Variants in MATN2 observed in about 807,000 individuals in gnomAD.
MATN2 encodes the protein matrilin-2.
In MATN2, 69 loss-of-function variants were observed where a neutral mutation model predicts 103.2. That is an observed-to-expected ratio of 0.67 (90% CI 0.55 to 0.82). The LOEUF (loss-of-function observed/expected upper bound fraction) is 0.82, where lower values mean the gene tolerates loss of function less well. Ranked by LOEUF, MATN2 falls within the 40% of genes least tolerant of loss-of-function variation. MATN2 has a pLI of 0.00. For synonymous variants in MATN2, 429 were observed against 450.2 expected, an observed-to-expected ratio of 0.95 and a Z score of 0.60; for missense variants, 1,023 against 1,211.5, an observed-to-expected ratio of 0.84 and a Z score of 2.31.
chr8:97,892,749 A>G (rs1298276610), intron 2 of MATN2, among the ~76,000 whole-genome samples: 2 of 152,226 alleles, frequency 1.3e-5, no homozygotes, highest in Non-Finnish European at 2.9e-5. Context: ...GAATGAGAGT[A>G]TGAAAGGCAA....
chr8:97,973,954 T>C (rs1438582148), intron 5 of MATN2, among the ~76,000 whole-genome samples: 1 of 152,234 alleles, frequency 6.6e-6, no homozygotes, highest in Non-Finnish European at 1.5e-5. Context: ...TAAAGCAGTC[T>C]AACAGCAGAA....
intron 2 of MATN2, among the ~76,000 whole-genome samples, chr8:97,922,583 C>G (rs562698668): frequency 6.6e-6 from 1 of 152,322 alleles, no homozygotes; most frequent in Admixed American, 6.5e-5. Flanking sequence ...CCAGTTCTGA[C>G]AAATTGTTTA....
chr8:98,006,973 G>C, intron 8 of MATN2, 132 bp from the exon 9 acceptor site: 1 of 928,544 alleles, frequency 1.1e-6, no homozygotes, highest in Non-Finnish European at 1.6e-6. Flanking sequence ...TTTCTAGAGG[G>C]ATCAGTGATG....
At position 97,908,251 on chromosome 8, in the gene MATN2, C is replaced by T. The variant is rs976923828; in HGVS notation, c.142+20009C>T. 2.0e-5 allele frequency among the ~76,000 whole-genome samples: 3 copies of T among 151,342 alleles called. No individual in the cohort carries two copies. In the East Asian group the frequency reaches 5.8e-4, roughly 29 times the overall value. On this transcript the variant is annotated intron_variant, in intron 2 of 18. Transcript: ENST00000254898. Reference sequence around the variant, plus strand: ...CAGCCTGGGCAACAAGAGTGAAACTCTATCTCAAAAAAAAAAAAGTCACTT... The same window carrying T: ...CAGCCTGGGCAACAAGAGTGAAACTTTATCTCAAAAAAAAAAAAGTCACTT...
In MATN2 at chr8:98,007,057, G is replaced by T. The variant is rs191993529; in HGVS notation, c.1328-48G>T. The stretch of plus-strand genomic sequence containing the variant: ...TTTTTGAATCTTGGTTGCTGGTGGG[G>T]TATTGCCCCCTCGGCTCCTCTATGC... On this transcript the variant is annotated intron_variant, in intron 8 of 18. Coordinates refer to ENST00000254898, the MANE Select transcript of MATN2 (RefSeq NM_002380.5). The surrounding 1 kb of genome is among the most constrained non-coding windows in gnomAD (Gnocchi z 4.2). 13 of 1,552,890 alleles carry T rather than the reference G, an allele frequency of 8.4e-6. No homozygotes were observed. The East Asian group carries it at 1.7e-4, about 20-fold the overall frequency.
At position 97,936,949 on chromosome 8, in the gene MATN2, A is replaced by G. The variant is rs528069802; in HGVS notation, c.713-4828A>G. 2.2e-3 allele frequency among the ~76,000 whole-genome samples: 329 copies of G among 152,224 alleles called. 1 individual carries two copies. Among genetic ancestry groups the G allele is most frequent in the Non-Finnish European group, 3.2e-3 (218 of 67,996 alleles). ...AGTGTCAGGAATTCCATTTTTTTCT[A>G]AAAGGAGGGGGGAGTGCATTATATT... On this transcript the variant is annotated intron_variant, in intron 3 of 18. Coordinates refer to ENST00000254898, the MANE Select transcript of MATN2 (RefSeq NM_002380.5).
chr8:97,953,524 C>A (rs183175765), intron 4 of MATN2, among the ~76,000 whole-genome samples: 1 of 152,142 alleles, frequency 6.6e-6, no homozygotes, highest in East Asian at 1.9e-4. Flanking sequence ...TGGTGGCTCA[C>A]GCCTGTAATC....
intron 4 of MATN2, among the ~76,000 whole-genome samples, chr8:97,948,659 A>G (rs1810832193): frequency 6.6e-6 from 1 of 152,230 alleles, no homozygotes; most frequent in African/African-American, 2.4e-5. Context: ...AAAGCAAGCA[A>G]ACAAACAAAA....
At position 97,888,121 on chromosome 8, in the gene MATN2, C is replaced by T. The variant is rs1407046137; in HGVS notation, c.21C>T (p.Gly7=). 1 of 1,607,596 alleles carries T rather than the reference C, an allele frequency of 6.2e-7. No individual in the cohort carries two copies. The highest frequency in any genetic ancestry group is 8.5e-7 in the Non-Finnish European group (1 of 1,177,460). Residue 7 remains glycine (G), a synonymous_variant, in exon 2 of 19, where the codon GGC becomes GGT. Coordinates refer to ENST00000254898, the MANE Select transcript of MATN2 (RefSeq NM_002380.5). ...TGAAAATGGAAAAGATGCTCGCAGG[C>T]TGCTTTCTGCTGATCCTCGGACAGA... MEKMLA[G]CFLLILGQIV...
In MATN2 at chr8:97,921,400, A is replaced by G. The variant is rs79043333; in HGVS notation, c.143-9553A>G. 3.3e-3 allele frequency among the ~76,000 whole-genome samples: 507 copies of G among 152,324 alleles called. 5 individuals carry two copies. Among genetic ancestry groups the G allele is most frequent in the Non-Finnish European group, 5.9e-3 (398 of 68,026 alleles). ...GCACGACTGAGTCAAAGAAAGCCCT[A>G]GCTCATCAACTGCATTCTACAGTGT... is the stretch of plus-strand genomic sequence containing the variant. On this transcript the variant is annotated intron_variant, in intron 2 of 18. Coordinates refer to ENST00000254898, the MANE Select transcript of MATN2 (RefSeq NM_002380.5).
At chr8:98,000,812 T>C (rs751475836) in intron 7 of MATN2, among the ~76,000 whole-genome samples, 1 of 152,174 alleles carries the variant, frequency 6.6e-6, no homozygotes, top group Non-Finnish European at 1.5e-5. Context: ...CTCGTGGAAC[T>C]CAGTCTAGTG....
At chr8:98,002,146 G>A (rs759453709) in intron 7 of MATN2, among the ~76,000 whole-genome samples, 12 of 152,216 alleles carry the variant, frequency 7.9e-5, no homozygotes, top group African/African-American at 2.7e-4. Flanking sequence ...AGCCTGCTAT[G>A]TGTGGGGTCT....
intron 12 of MATN2, among the ~76,000 whole-genome samples, chr8:98,019,004 A>G (rs1176904088): frequency 6.6e-6 from 1 of 150,726 alleles, no homozygotes; most frequent in Non-Finnish European, 1.5e-5. Context: ...TTCTCTATGT[A>G]TATCTTCATC....
chr8:97,977,897 C>T (rs1811891955), intron 5 of MATN2, among the ~76,000 whole-genome samples: 2 of 152,152 alleles, frequency 1.3e-5, no homozygotes, highest in Non-Finnish European at 2.9e-5. Flanking sequence ...CAACACTCTT[C>T]CTAACCACCC....
chr8:97,994,054 GAGAAAGAA>G (rs199788464), intron 6 of MATN2, among the ~76,000 whole-genome samples: 8 of 141,146 alleles, frequency 5.7e-5, no homozygotes, highest in African/African-American at 1.6e-4. Flanking sequence ...GAAAGGAAGA[GAGAAAGAA>G]AGAAAGAAAG....
chr8:97,989,410 A>G (rs1458214845), intron 6 of MATN2, among the ~76,000 whole-genome samples: 1 of 150,772 alleles, frequency 6.6e-6, no homozygotes, highest in African/African-American at 2.5e-5. Context: ...CAGAGCTTGC[A>G]GTGAGCCGAG....
intron 5 of MATN2, among the ~76,000 whole-genome samples, chr8:97,966,385 A>G (rs541399681): frequency 4.0e-5 from 6 of 151,712 alleles, no homozygotes; most frequent in South Asian, 4.2e-4. Context: ...GCAAGACCCT[A>G]TATCTACAAA....
In MATN2 at chr8:97,945,711, A is replaced by ATATATAT. The variant is rs1385265414; in HGVS notation, c.835+3812_835+3813insTATATAT. 6.1e-3 allele frequency among the ~76,000 whole-genome samples: 410 copies of ATATATAT among 67,276 alleles called. 2 individuals carry two copies. The highest frequency in any genetic ancestry group is 8.5e-3 in the Non-Finnish European group (309 of 36,488). 44.1% of individuals were successfully genotyped at this position (67,276 alleles called of 152,430 possible). A position where few individuals can be genotyped will look rare whatever the true frequency, so the allele number is the denominator to read the frequency against. ...CACACACATACACACTATAGAAAAA[A>ATATATAT]AAAAAAATATATATATATATATATA... is the stretch of plus-strand genomic sequence containing the variant. On this transcript the variant is annotated intron_variant, in intron 4 of 18. Transcript: ENST00000254898.
chr8:97,905,761 C>T (rs1009758367), intron 2 of MATN2, among the ~76,000 whole-genome samples: 6 of 152,130 alleles, frequency 3.9e-5, no homozygotes, highest in Middle Eastern at 3.2e-3. Flanking sequence ...TTCCCTGGCT[C>T]AGGTGATCTT....
Sources: allele counts gnomAD v4.1 joint callset (sites outside exome capture counted in the v4.1 genomes callset), GRCh38; gene constraint gnomAD v4.1.1; non-coding constraint Gnocchi (gnomAD v3.1); transcripts MANE v1.5; gene names NCBI Gene and HGNC (gene_info 2026-07-23, HGNC 2026-07-21).